Variants in LRBA observed in about 807,000 individuals in gnomAD.
The protein encoded by LRBA is lipopolysaccharide-responsive and beige-like anchor protein.
In LRBA, 176 loss-of-function variants were observed where a neutral mutation model predicts 330.0. The observed-to-expected ratio is 0.53, with a 90% CI of 0.47 to 0.60. LRBA has a LOEUF of 0.60. Among genes scored for constraint, LRBA ranks in the 20% least tolerant of loss-of-function variants. LRBA has a pLI of 0.00. For synonymous variants in LRBA, 1,230 were observed against 1,193.0 expected (o/e 1.03, Z -0.64); for missense variants, 3,259 against 3,444.8 (o/e 0.95, Z 1.35).
chr4:150,431,667 T>A (rs1011118372), intron 46 of LRBA, among the ~76,000 whole-genome samples: 1 of 152,162 alleles, frequency 6.6e-6, no homozygotes, highest in Non-Finnish European at 1.5e-5. Flanking sequence ...TTTTTTACTT[T>A]TAAAAATACG....
chr4:150,843,964 A>G (rs1157650259), intron 28 of LRBA, 136 bp downstream of exon 28: 1 of 548,698 alleles, frequency 1.8e-6, no homozygotes, highest in African/African-American at 1.9e-5. Flanking sequence ...ATCATTGTCA[A>G]AAGAAGTCGT....
chr4:150,507,493 A>G (rs987382479), intron 40 of LRBA, among the ~76,000 whole-genome samples: 9 of 142,674 alleles, frequency 6.3e-5, no homozygotes, highest in Admixed American at 2.7e-4. Context: ...TTCCTTATAT[A>G]ATAAATGGTG....
chr4:150,417,783 A>G (rs528692256), intron 46 of LRBA, among the ~76,000 whole-genome samples: 2 of 152,164 alleles, frequency 1.3e-5, no homozygotes, highest in Non-Finnish European at 2.9e-5. Context: ...AAATATACCT[A>G]AAAAGTACTC....
At chr4:150,936,878 T>C (rs528921732) in intron 2 of LRBA, among the ~76,000 whole-genome samples, 3 of 152,202 alleles carry the variant, frequency 2.0e-5, no homozygotes, top group African/African-American at 7.2e-5. Flanking sequence ...TGTGAAATTT[T>C]CTTCTAACAA....
At chr4:150,849,393 C>T in intron 25 of LRBA, 29 bp downstream of exon 25, 1 of 1,607,794 alleles carries the variant, frequency 6.2e-7, no homozygotes, top group East Asian at 2.2e-5. Context: ...TGTTTTCACA[C>T]CAATTTTCTA....
intron 56 of LRBA, among the ~76,000 whole-genome samples, chr4:150,271,789 T>A (rs1482568299): frequency 6.6e-6 from 1 of 152,120 alleles, no homozygotes; most frequent in Non-Finnish European, 1.5e-5. Flanking sequence ...AAGGCCACTG[T>A]GGCCAGACTG....
At chr4:150,896,017 C>T (rs941589290) in intron 16 of LRBA, among the ~76,000 whole-genome samples, 7 of 152,126 alleles carry the variant, frequency 4.6e-5, no homozygotes, top group African/African-American at 2.4e-5. Flanking sequence ...AATATCTGAA[C>T]ATGTAAAGTC....
chr4:150,936,818 C>G (rs1027054562), intron 2 of LRBA, among the ~76,000 whole-genome samples: 1 of 152,028 alleles, frequency 6.6e-6, no homozygotes, highest in Non-Finnish European at 1.5e-5. Context: ...ACCAATAAAT[C>G]TGAAACAATT....
At chr4:150,953,387 T>A (rs1359944365) in intron 2 of LRBA, among the ~76,000 whole-genome samples, 1 of 24,992 alleles carries the variant, frequency 4.0e-5, no homozygotes, top group Admixed American at 3.5e-4. Flanking sequence ...CTCCCCCCCC[T>A]CTTTGCACGG....
chr4:150,423,330 T>A (rs751286632), intron 46 of LRBA: 80 of 722,556 alleles, frequency 1.1e-4, no homozygotes, highest in Non-Finnish European at 1.6e-4. Flanking sequence ...GGACGAGCTC[T>A]GCGGACTGTG....
chr4:150,445,373 CTCTCTA>C (rs1365972728), intron 44 of LRBA, among the ~76,000 whole-genome samples: 27 of 83,974 alleles, frequency 3.2e-4, no homozygotes, highest in Admixed American at 8.3e-4. Flanking sequence ...CTCTCTCTCT[CTCTCTA>C]TATATATATA....
intron 2 of LRBA, among the ~76,000 whole-genome samples, chr4:150,965,020 C>T (rs940961959): frequency 1.3e-5 from 2 of 152,132 alleles, no homozygotes; most frequent in African/African-American, 4.8e-5. Flanking sequence ...GAGGCACTTT[C>T]ATAGAGTTCT....
intron 48 of LRBA, among the ~76,000 whole-genome samples, chr4:150,330,904 C>G (rs1223792984): frequency 6.6e-6 from 1 of 152,080 alleles, no homozygotes; most frequent in Non-Finnish European, 1.5e-5. Context: ...GGACTGGGGA[C>G]AAAACCAAGC....
intron 28 of LRBA, chr4:150,841,001 G>A: frequency 8.0e-7 from 1 of 1,256,504 alleles, no homozygotes; most frequent in Non-Finnish European, 1.0e-6. Flanking sequence ...TGTGATCCGT[G>A]ATCTGACAAA....
At chr4:150,885,743 G>T (rs1458964441) in intron 17 of LRBA, among the ~76,000 whole-genome samples, 4 of 152,074 alleles carry the variant, frequency 2.6e-5, no homozygotes, top group Non-Finnish European at 5.9e-5. Flanking sequence ...CAACAACAAT[G>T]CAATTCATTG....
At chr4:150,442,078 T>G (rs186296564) in intron 44 of LRBA, among the ~76,000 whole-genome samples, 1 of 152,286 alleles carries the variant, frequency 6.6e-6, no homozygotes, top group African/African-American at 2.4e-5. Flanking sequence ...TGGACTATAC[T>G]TATAGTTATT....
At chr4:150,407,149 T>G (rs912458401) in intron 47 of LRBA, among the ~76,000 whole-genome samples, 3 of 152,154 alleles carry the variant, frequency 2.0e-5, no homozygotes, top group African/African-American at 7.2e-5. Context: ...TGCAATCACA[T>G]GTATCTTTAG....
intron 2 of LRBA, among the ~76,000 whole-genome samples, chr4:150,968,784 T>C (rs1186108944): frequency 6.6e-6 from 1 of 152,228 alleles, no homozygotes; most frequent in Non-Finnish European, 1.5e-5. Flanking sequence ...CAGCCTTCTA[T>C]TGCAAGAAGA....
At chr4:150,644,253 C>T (rs143243016) in intron 37 of LRBA, among the ~76,000 whole-genome samples, 1 of 151,920 alleles carries the variant, frequency 6.6e-6, no homozygotes, top group African/African-American at 2.4e-5. Flanking sequence ...AAACAAAGCA[C>T]TCATTATAAT....
Sources: gnomAD v4.1 joint callset for allele counts (sites outside exome capture counted in the v4.1 genomes callset) on GRCh38, gnomAD v4.1.1 for gene constraint, MANE v1.5 for transcripts, NCBI Gene and HGNC (gene_info 2026-07-23, HGNC 2026-07-21) for gene names.